The following GNPTAB variants were observed in gnomAD, a reference collection of about 807,000 sequenced individuals.
GNPTAB encodes the protein N-acetylglucosamine-1-phosphotransferase subunits alpha/beta.
Under a neutral mutation model 136.6 loss-of-function variants are expected in GNPTAB, and 92 were observed. The observed-to-expected ratio is 0.67, with a 90% CI of 0.57 to 0.80. The LOEUF is 0.80. Ranked by LOEUF, GNPTAB falls within the 30% of genes least tolerant of loss-of-function variation. The pLI, the probability that GNPTAB is intolerant of heterozygous loss-of-function variation, is 0.00. For missense variants in GNPTAB, 1,343 were observed against 1,501.8 expected (o/e 0.89, Z 1.75); for synonymous variants, 512 against 535.1 (o/e 0.96, Z 0.60).
At chr12:101,803,009 A>C (rs1026043287) in intron 1 of GNPTAB, among the ~76,000 whole-genome samples, 23 of 152,124 alleles carry the variant, frequency 1.5e-4, no homozygotes, top group Non-Finnish European at 1.9e-4. Context: ...AAAAGATGGA[A>C]TCTCTCATCA....
chr12:101,793,316 A>C (rs1372428939), intron 2 of GNPTAB, among the ~76,000 whole-genome samples: 1 of 152,210 alleles, frequency 6.6e-6, no homozygotes, highest in East Asian at 1.9e-4. Context: ...AAATTTTAAA[A>C]AACTGCTTCA....
intron 1 of GNPTAB, among the ~76,000 whole-genome samples, chr12:101,806,032 A>T (rs1869916509): frequency 6.6e-6 from 1 of 152,256 alleles, no homozygotes; most frequent in South Asian, 2.1e-4. Flanking sequence ...CGTTTAAAAC[A>T]TAGTAACTTA....
intron 5 of GNPTAB, among the ~76,000 whole-genome samples, chr12:101,781,398 G>A (rs1262082301): frequency 6.6e-6 from 1 of 152,220 alleles, no homozygotes; most frequent in Non-Finnish European, 1.5e-5. Context: ...GGGCACAGTA[G>A]CTCATGCCTG....
intron 1 of GNPTAB, among the ~76,000 whole-genome samples, chr12:101,818,025 G>A (rs1870594933): frequency 6.6e-6 from 1 of 152,186 alleles, no homozygotes; most frequent in East Asian, 1.9e-4. Context: ...CCACCCAGCA[G>A]GCAAGTCCTA....
intron 1 of GNPTAB, among the ~76,000 whole-genome samples, chr12:101,809,851 G>A (rs941593709): frequency 5.9e-5 from 9 of 152,130 alleles, no homozygotes; most frequent in South Asian, 2.1e-4. Context: ...GACATTATGC[G>A]TTTGTCAAAA....
intron 7 of GNPTAB, among the ~76,000 whole-genome samples, chr12:101,775,549 G>A (rs1168953523): frequency 6.6e-6 from 1 of 151,826 alleles, no homozygotes; most frequent in Non-Finnish European, 1.5e-5. Context: ...TAGTAGAGAT[G>A]GAGTTTCATT....
intron 7 of GNPTAB, among the ~76,000 whole-genome samples, chr12:101,776,147 A>C (rs1043173984): frequency 4.6e-5 from 7 of 152,218 alleles, no homozygotes; most frequent in African/African-American, 1.7e-4. Context: ...AATTGAAGGA[A>C]ACTTAGCATG....
intron 1 of GNPTAB, among the ~76,000 whole-genome samples, chr12:101,818,826 T>C (rs1870651072): frequency 6.6e-6 from 1 of 152,160 alleles, no homozygotes; most frequent in South Asian, 2.1e-4. Context: ...GAGTAGGCTT[T>C]TCCCATGCTG....
intron 1 of GNPTAB, among the ~76,000 whole-genome samples, chr12:101,823,340 T>G (rs1194653670): frequency 6.6e-6 from 1 of 152,170 alleles, no homozygotes; most frequent in Non-Finnish European, 1.5e-5. Flanking sequence ...CCAGGCGCAG[T>G]GGCTTATGTC....
intron 1 of GNPTAB, among the ~76,000 whole-genome samples, chr12:101,800,373 C>T (rs1196400617): frequency 6.6e-6 from 1 of 151,960 alleles, no homozygotes; most frequent in Admixed American, 6.6e-5. Flanking sequence ...ATGGTCTTCT[C>T]TTGCGAACAA....
chr12:101,773,090 C>T (rs542150157), intron 7 of GNPTAB: 8 of 218,914 alleles, frequency 3.7e-5, no homozygotes, highest in South Asian at 1.0e-4. Flanking sequence ...GGATTACAGG[C>T]GTAAGCCACC....
chr12:101,770,712 A>G (rs1953158564), intron 8 of GNPTAB, 127 bp from the exon 9 acceptor site: 1 of 749,410 alleles, frequency 1.3e-6, no homozygotes, highest in East Asian at 2.7e-5. Flanking sequence ...TGGAGTCCTA[A>G]TTTTAAACAT....
chr12:101,804,180 A>G (rs926824354), intron 1 of GNPTAB, among the ~76,000 whole-genome samples: 1 of 152,196 alleles, frequency 6.6e-6, no homozygotes, highest in Admixed American at 6.6e-5. Flanking sequence ...GCATCACTGC[A>G]CTACAGCCTG....
intron 20 of GNPTAB, among the ~76,000 whole-genome samples, chr12:101,748,477 C>A (rs901871107): frequency 6.6e-6 from 1 of 152,212 alleles, no homozygotes; most frequent in Non-Finnish European, 1.5e-5. Flanking sequence ...TGTGAATAGC[C>A]TAATGAGGAC....
chr12:101,770,188 C>T lies in GNPTAB; in HGVS notation c.1117G>A (p.Val373Ile). The part of the protein sequence containing the change: ...PRVTIVTHQD[V>I]FRNLSHLPTF... ...GGCAAGTGGCTCAAATTTCGAAAAA[C>T]ATCCTTTTAACAACAACAAACAAAA... Residue 373 changes from valine to isoleucine, a missense_variant, in exon 10 of 21, where the codon GTT (valine) becomes ATT (isoleucine). By Grantham distance (29) the Val-to-Ile change is conservative. Coordinates refer to ENST00000299314, the MANE Select transcript of GNPTAB (RefSeq NM_024312.5). 6.2e-7 allele frequency: 1 copy of T among 1,614,084 alleles called. No individual in the cohort carries two copies. Among genetic ancestry groups the T allele is most frequent in the Non-Finnish European group, 8.5e-7 (1 of 1,179,982 alleles).
intron 1 of GNPTAB, chr12:101,810,798 G>A (rs1437123991): frequency 6.6e-6 from 1 of 152,000 alleles, no homozygotes; most frequent in Non-Finnish European, 1.5e-5. Flanking sequence ...AGGCTGCTTT[G>A]GGACAGGTGG....
intron 1 of GNPTAB, among the ~76,000 whole-genome samples, chr12:101,814,449 G>A (rs1423280591): frequency 6.6e-6 from 1 of 152,066 alleles, no homozygotes; most frequent in Non-Finnish European, 1.5e-5. Flanking sequence ...GTTAATTCCC[G>A]CACTTTGGAA....
At chr12:101,770,661 T>G in intron 8 of GNPTAB, 76 bp from the exon 9 acceptor site, 1 of 1,030,054 alleles carries the variant, frequency 9.7e-7, no homozygotes. Context: ...CCTTTCCTTC[T>G]GCCCGTCTGC....
chr12:101,799,963 T>C (rs1214384262), intron 1 of GNPTAB, among the ~76,000 whole-genome samples: 1 of 152,166 alleles, frequency 6.6e-6, no homozygotes, highest in Non-Finnish European at 1.5e-5. Context: ...AGAACCCCAA[T>C]AGAGAGAACT....
Sources: gnomAD v4.1 joint callset for allele counts (sites outside exome capture counted in the v4.1 genomes callset) on GRCh38, gnomAD v4.1.1 for gene constraint, MANE v1.5 for transcripts, NCBI Gene and HGNC (gene_info 2026-07-23, HGNC 2026-07-21) for gene names.